The following SLC35D1 variants were observed in gnomAD, a reference collection of about 807,000 sequenced individuals.
SLC35D1 encodes the protein solute carrier family 35 member D1.
A neutral mutation model predicts 46.7 loss-of-function variants in SLC35D1; 31 were observed. The ratio of observed to expected loss-of-function variants is 0.66; its 90% CI spans 0.50 to 0.90. SLC35D1 has a LOEUF of 0.90. SLC35D1 is among the 40% of genes least tolerant of loss of function. SLC35D1 has a pLI of 0.00. For missense variants in SLC35D1, 397 were observed against 426.2 expected (o/e 0.93, Z 0.60); for synonymous variants, 195 against 164.6 (o/e 1.18, Z -1.41).
chr1:67,003,723 T>C lies in SLC35D1; in HGVS notation c.*617A>G, dbSNP rs1667388382. 1 of 153,826 alleles carries C rather than the reference T, an allele frequency of 6.5e-6. No homozygotes were observed. Among genetic ancestry groups the C allele is most frequent in the African/African-American group, 2.4e-5 (1 of 41,446 alleles). The allele number at this position is 153,826 out of a possible 1,614,324, so 9.5% of individuals were successfully genotyped here. On this transcript the variant is annotated 3_prime_UTR_variant, in exon 12 of 12. Transcript: ENST00000235345. ...CATTCTACACAACAAAAAAAGAACA[T>C]GTTTTCAAGGAATGCACTCTGCTCA...
intron 8 of SLC35D1, 128 bp downstream of exon 8, chr1:67,042,108 G>A: frequency 1.1e-6 from 1 of 879,458 alleles, no homozygotes; most frequent in South Asian, 1.3e-5. Flanking sequence ...GCAATTTAAA[G>A]AGTAAATGCT....
At chr1:67,047,011 C>A (rs923352129) in intron 7 of SLC35D1, among the ~76,000 whole-genome samples, 1 of 152,112 alleles carries the variant, frequency 6.6e-6, no homozygotes, top group East Asian at 1.9e-4. Flanking sequence ...GCAGTGAACA[C>A]ACTTTACTTT....
At chr1:66,986,503 A>G in the SLC35D1 span, 1 of 1,477,292 alleles carries the variant, frequency 6.8e-7, no homozygotes. Flanking sequence ...TTAATGGCTC[A>G]ACTGTCTGAT....
At chr1:67,007,586 T>C (rs1320398993) in intron 11 of SLC35D1, among the ~76,000 whole-genome samples, 1 of 152,230 alleles carries the variant, frequency 6.6e-6, no homozygotes, top group South Asian at 2.1e-4. Context: ...TCGATCATTA[T>C]CAAATATAGA....
chr1:66,982,534 G>A, the SLC35D1 span, among the ~76,000 whole-genome samples: 1 of 152,192 alleles, frequency 6.6e-6, no homozygotes, highest in African/African-American at 2.4e-5. Flanking sequence ...TCAGTAGTAA[G>A]AGCCAGAGAA....
chr1:67,036,971 T>C (rs1051284251), intron 8 of SLC35D1, among the ~76,000 whole-genome samples: 1 of 152,048 alleles, frequency 6.6e-6, no homozygotes, highest in Admixed American at 6.6e-5. Flanking sequence ...TATTTGACAT[T>C]ACCATGAGGC....
the SLC35D1 span, among the ~76,000 whole-genome samples, chr1:66,993,015 G>C: frequency 2.6e-5 from 4 of 152,208 alleles, no homozygotes; most frequent in Non-Finnish European, 5.9e-5. Flanking sequence ...CCAATGATCT[G>C]GATTTTACCT....
chr1:66,978,095 CTG>C, the SLC35D1 span, among the ~76,000 whole-genome samples: 49 of 151,478 alleles, frequency 3.2e-4, no homozygotes, highest in African/African-American at 1.1e-3. Context: ...ACTCGGGAGA[CTG>C]AGGCAGAAGA....
intron 8 of SLC35D1, among the ~76,000 whole-genome samples, chr1:67,027,389 C>T (rs141483354): frequency 1.3e-5 from 2 of 152,166 alleles, no homozygotes; most frequent in Middle Eastern, 3.4e-3. Context: ...TCTTATCTTA[C>T]AATCTTACAT....
At chr1:67,051,804 A>C (rs2755260) in intron 4 of SLC35D1, among the ~76,000 whole-genome samples, 1 of 21,376 alleles carries the variant, frequency 4.7e-5, no homozygotes, top group African/African-American at 2.4e-4. Flanking sequence ...AAACAAAAAC[A>C]AAAAACTCCT....
the SLC35D1 span, chr1:66,986,469 A>T: frequency 2.5e-6 from 4 of 1,608,656 alleles, no homozygotes; most frequent in African/African-American, 5.3e-5. Flanking sequence ...GCCTTTTTAA[A>T]ATAAAGCTTC....
chr1:66,987,513 A>C, the SLC35D1 span: 10 of 152,816 alleles, frequency 6.5e-5, no homozygotes, highest in South Asian at 1.2e-3. Flanking sequence ...GTTGAGCTTT[A>C]AAATGTATTT....
the SLC35D1 span, among the ~76,000 whole-genome samples, chr1:66,975,000 G>A: frequency 6.6e-6 from 1 of 152,196 alleles, no homozygotes; most frequent in Non-Finnish European, 1.5e-5. Flanking sequence ...AACAGCTTGA[G>A]AGGATGATTT....
chr1:67,029,365 G>A (rs902918198), intron 8 of SLC35D1, among the ~76,000 whole-genome samples: 1 of 152,206 alleles, frequency 6.6e-6, no homozygotes, highest in South Asian at 2.1e-4. Flanking sequence ...TTTACTGGAT[G>A]AATGGAAGAC....
chr1:67,006,755 C>T (rs1667459312), intron 11 of SLC35D1, among the ~76,000 whole-genome samples: 1 of 152,130 alleles, frequency 6.6e-6, no homozygotes, highest in African/African-American at 2.4e-5. Context: ...GGTTGAGTAT[C>T]TCTTATCTAA....
downstream of SLC35D1, among the ~76,000 whole-genome samples, chr1:66,995,459 A>AAAAAAC (rs1667229406): frequency 4.9e-5 from 6 of 121,688 alleles, no homozygotes; most frequent in Admixed American, 4.2e-4. Flanking sequence ...AAAAAAAAAA[A>AAAAAAC]AAAAAAAAAA....
At chr1:67,047,523 T>G (rs997745975) in intron 6 of SLC35D1, among the ~76,000 whole-genome samples, 156 bp from the exon 7 acceptor site, 2 of 152,236 alleles carry the variant, frequency 1.3e-5, no homozygotes, top group Admixed American at 6.5e-5. Context: ...TTTCTGGTCA[T>G]AGTTTGCAAT....
At chr1:67,007,328 G>T (rs1175017117) in intron 11 of SLC35D1, among the ~76,000 whole-genome samples, 1 of 152,086 alleles carries the variant, frequency 6.6e-6, no homozygotes, top group Non-Finnish European at 1.5e-5. Flanking sequence ...ATCATGCTCT[G>T]GGATCTCTTA....
At chr1:67,009,821 T>TC (rs1181828897) in intron 10 of SLC35D1, among the ~76,000 whole-genome samples, 1 of 152,174 alleles carries the variant, frequency 6.6e-6, no homozygotes, top group African/African-American at 2.4e-5. Context: ...GACCCAGCAA[T>TC]CCCACTACTG....
Sources: allele counts gnomAD v4.1 joint callset (sites outside exome capture counted in the v4.1 genomes callset), GRCh38; gene constraint gnomAD v4.1.1; transcripts MANE v1.5; gene names NCBI Gene and HGNC (gene_info 2026-07-23, HGNC 2026-07-21).